The following STK24 variants were observed in gnomAD, a reference collection of about 807,000 sequenced individuals.
STK24 encodes serine/threonine-protein kinase 24.
Under a neutral mutation model 55.6 loss-of-function variants are expected in STK24, and 21 were observed. That is an observed-to-expected ratio of 0.38 (90% CI 0.27 to 0.54). The LOEUF (loss-of-function observed/expected upper bound fraction) is 0.54, where lower values mean the gene tolerates loss of function less well. STK24 is among the 20% of genes least tolerant of loss of function. The pLI, the probability that STK24 is intolerant of heterozygous loss-of-function variation, is 0.79. For synonymous variants in STK24, 200 were observed against 215.2 expected (o/e 0.93, Z 0.62); for missense variants, 383 against 538.4 (o/e 0.71, Z 2.86).
At chr13:98,566,715 C>T (rs1897582744) in intron 1 of STK24, among the ~76,000 whole-genome samples, 1 of 152,204 alleles carries the variant, frequency 6.6e-6, no homozygotes. Context: ...CTTCCACCTA[C>T]CCACAGCAAG....
chr13:98,457,371 T>G, intron 9 of STK24, 67 bp from the exon 10 acceptor site: 1 of 1,609,690 alleles, frequency 6.2e-7, no homozygotes, highest in Non-Finnish European at 8.5e-7. Context: ...AGCATGCTGT[T>G]CAAGGAACAA....
intron 9 of STK24, among the ~76,000 whole-genome samples, chr13:98,459,880 T>C (rs1893627455): frequency 6.6e-6 from 1 of 152,158 alleles, no homozygotes; most frequent in South Asian, 2.1e-4. Context: ...AGCACTTTCC[T>C]CTGGGAGGGA....
chr13:98,551,380 A>G (rs998229810), intron 1 of STK24, among the ~76,000 whole-genome samples: 1 of 151,812 alleles, frequency 6.6e-6, no homozygotes, highest in African/African-American at 2.4e-5. Flanking sequence ...GAGGCCACCA[A>G]GCCTTCTTCA....
chr13:98,475,470 ATCT>A (rs975676970), intron 3 of STK24, 112 bp from the exon 4 acceptor site: 3 of 706,656 alleles, frequency 4.2e-6, no homozygotes, highest in East Asian at 2.8e-5. Context: ...AAAACCTGAA[ATCT>A]TCTTCACTTA....
At position 98,531,674 on chromosome 13, in the gene STK24, G is replaced by A. The variant is rs373883547; in HGVS notation, c.43-12201C>T. ...TACCAGTGCTGACTCAGGACATCAG[G>A]GCTCCTCTTGAAGCCAAGGAACAAA... On this transcript the variant is annotated intron_variant, in intron 1 of 10. Transcript: ENST00000539966. Among the ~76,000 whole-genome samples, 11 of 152,206 alleles carry A rather than the reference G, an allele frequency of 7.2e-5. No individual in the cohort carries two copies. In the East Asian group the frequency reaches 2.1e-3, roughly 29 times the overall value.
rs1449203215 is a variant in STK24 at position 98,445,235 on chromosome 13, G to A, written c.*7938C>T. 6.6e-6 allele frequency: 1 copy of A among 152,248 alleles called. No individual in the cohort carries two copies. The highest frequency in any genetic ancestry group is 1.9e-4 in the East Asian group (1 of 5,196). The allele number at this position is 152,248 out of a possible 1,614,324, so 9.4% of individuals were successfully genotyped here. ...GTAAAATAGCTATACCACAATATTGGCCAACTTAACGATTTTTACGGGAAC... is the reference window on the plus strand; with the variant it reads ...GTAAAATAGCTATACCACAATATTGACCAACTTAACGATTTTTACGGGAAC... On this transcript the variant is annotated 3_prime_UTR_variant, in exon 11 of 11. Transcript: ENST00000539966.
At chr13:98,503,038 T>TTTTTTTTTTTA (rs1895545405) in intron 2 of STK24, among the ~76,000 whole-genome samples, 1 of 149,702 alleles carries the variant, frequency 6.7e-6, no homozygotes, top group Non-Finnish European at 1.5e-5. Flanking sequence ...TTTTTTTTTT[T>TTTTTTTTTTTA]TTTCAGTATG....
chr13:98,537,232 G>A (rs1944944138), intron 1 of STK24, among the ~76,000 whole-genome samples: 1 of 152,228 alleles, frequency 6.6e-6, no homozygotes, highest in Admixed American at 6.5e-5. Context: ...CCATCAGGCA[G>A]TCCTCCTGGG....
intron 5 of STK24, among the ~76,000 whole-genome samples, chr13:98,469,744 C>A (rs746724850): frequency 1.7e-4 from 26 of 152,120 alleles, no homozygotes; most frequent in Non-Finnish European, 3.2e-4. Context: ...GATCTCTTCT[C>A]CCCAGGACTT....
chr13:98,497,294 C>T (rs555281178), intron 2 of STK24, among the ~76,000 whole-genome samples: 1 of 152,320 alleles, frequency 6.6e-6, no homozygotes, highest in Admixed American at 6.5e-5. Flanking sequence ...CTCCGCAGCA[C>T]TTATGAAGGT....
chr13:98,498,723 C>G (rs1334771417), intron 2 of STK24, among the ~76,000 whole-genome samples: 1 of 152,172 alleles, frequency 6.6e-6, no homozygotes, highest in Non-Finnish European at 1.5e-5. Flanking sequence ...GCCGTCTCCC[C>G]ACTGTACACC....
At chr13:98,548,861 CAAAAAAAAAA>C (rs55793722) in intron 1 of STK24, among the ~76,000 whole-genome samples, 4 of 37,802 alleles carry the variant, frequency 1.1e-4, no homozygotes, top group Non-Finnish European at 1.6e-4. Flanking sequence ...GACTCTGTCT[CAAAAAAAAAA>C]AAAAAAAAAA....
At chr13:98,460,102 A>G (rs1396247776) in intron 9 of STK24, among the ~76,000 whole-genome samples, 1 of 152,216 alleles carries the variant, frequency 6.6e-6, no homozygotes, top group Non-Finnish European at 1.5e-5. Context: ...ATTTGCTAAA[A>G]AGCAGGGCAA....
chr13:98,470,247 G>A (rs547059247), intron 5 of STK24, among the ~76,000 whole-genome samples: 4 of 152,204 alleles, frequency 2.6e-5, no homozygotes, highest in Admixed American at 2.6e-4. Context: ...GGATAGCTGG[G>A]ACTATAGGGC....
chr13:98,474,084 C>A (rs9517322), intron 5 of STK24, among the ~76,000 whole-genome samples: 1 of 151,896 alleles, frequency 6.6e-6, no homozygotes, highest in Non-Finnish European at 1.5e-5. Context: ...GCAGACTGTG[C>A]GAACTGAAGT....
At chr13:98,484,308 G>C (rs977910134) in intron 2 of STK24, among the ~76,000 whole-genome samples, 6 of 152,188 alleles carry the variant, frequency 3.9e-5, no homozygotes, top group African/African-American at 1.4e-4. Flanking sequence ...TTTTCCCTAA[G>C]AGAGCTGGGA....
chr13:98,576,106 G>A (rs554489644), intron 1 of STK24: 70 of 984,994 alleles, frequency 7.1e-5, no homozygotes, highest in Non-Finnish European at 8.1e-5. Flanking sequence ...CTGTCCGAGG[G>A]ATTCCTCCTT....
intron 5 of STK24, among the ~76,000 whole-genome samples, chr13:98,468,418 C>T (rs1054923685): frequency 1.3e-5 from 2 of 152,240 alleles, no homozygotes; most frequent in Non-Finnish European, 2.9e-5. Flanking sequence ...TCTCTTGCCC[C>T]TAGGAGCAGG....
At chr13:98,516,419 G>C (rs1377350698) in intron 2 of STK24, among the ~76,000 whole-genome samples, 1 of 152,188 alleles carries the variant, frequency 6.6e-6, no homozygotes, top group Non-Finnish European at 1.5e-5. Flanking sequence ...ACCACTCCCT[G>C]AGCTATTCCA....
Sources: gnomAD v4.1 joint callset for allele counts (sites outside exome capture counted in the v4.1 genomes callset) on GRCh38, gnomAD v4.1.1 for gene constraint, MANE v1.5 for transcripts, NCBI Gene and HGNC (gene_info 2026-07-23, HGNC 2026-07-21) for gene names.